The following UGGT2 variants were observed in gnomAD, a reference collection of about 807,000 sequenced individuals.
UGGT2 encodes the protein UDP-glucose glycoprotein glucosyltransferase 2.
Under a neutral mutation model 192.1 loss-of-function variants are expected in UGGT2, and 180 were observed. The observed-to-expected ratio is 0.94, with a 90% CI of 0.83 to 1.06. UGGT2 has a LOEUF of 1.06. Among genes scored for constraint, UGGT2 ranks in the 50% least tolerant of loss-of-function variants. UGGT2 has a pLI of 0.00. For synonymous variants in UGGT2, 580 were observed against 591.0 expected, an observed-to-expected ratio of 0.98 and a Z score of 0.27; for missense variants, 1,849 against 1,795.7, an observed-to-expected ratio of 1.03 and a Z score of -0.54.
intron 36 of UGGT2, among the ~76,000 whole-genome samples, chr13:95,843,660 G>A (rs918073132): frequency 6.6e-6 from 1 of 151,926 alleles, no homozygotes; most frequent in East Asian, 1.9e-4. Context: ...AGGGTTTAGA[G>A]GTTTTTGGGG....
chr13:95,931,501 G>A (rs532833135), intron 17 of UGGT2, among the ~76,000 whole-genome samples: 29 of 152,032 alleles, frequency 1.9e-4, no homozygotes, highest in East Asian at 5.9e-4. Context: ...AGCACTCGTC[G>A]GGGAGGCTCG....
chr13:96,018,566 GA>G (rs2052410601), intron 4 of UGGT2, among the ~76,000 whole-genome samples: 1 of 151,744 alleles, frequency 6.6e-6, no homozygotes, highest in African/African-American at 2.4e-5. Flanking sequence ...ATATCTGGGG[GA>G]AAGTGACAGC....
chr13:95,984,310 T>G (rs2051223010), intron 9 of UGGT2, among the ~76,000 whole-genome samples: 1 of 152,140 alleles, frequency 6.6e-6, no homozygotes, highest in African/African-American at 2.4e-5. Flanking sequence ...ACTCACTCTT[T>G]CAATTTTTTC....
At chr13:95,811,598 T>C (rs1884585971) in intron 38 of UGGT2, among the ~76,000 whole-genome samples, 1 of 152,174 alleles carries the variant, frequency 6.6e-6, no homozygotes, top group Admixed American at 6.5e-5. Flanking sequence ...CACTTTGAAT[T>C]AGTGAATTGT....
chr13:96,045,568 A>T (rs1215292530), intron 1 of UGGT2, among the ~76,000 whole-genome samples: 4 of 152,196 alleles, frequency 2.6e-5, no homozygotes. Flanking sequence ...TGATGATACG[A>T]TTATATACCT....
intron 36 of UGGT2, among the ~76,000 whole-genome samples, chr13:95,841,097 C>A (rs1416983162): frequency 6.6e-6 from 1 of 152,002 alleles, no homozygotes; most frequent in Non-Finnish European, 1.5e-5. Context: ...ATACCTAATG[C>A]ATGTGGGGCT....
intron 38 of UGGT2, among the ~76,000 whole-genome samples, chr13:95,805,968 G>A (rs1369426039): frequency 6.9e-6 from 1 of 144,682 alleles, no homozygotes; most frequent in Non-Finnish European, 1.5e-5. Context: ...ATTGAACCAA[G>A]AGGTATAAAA....
chr13:95,972,547 A>G, intron 11 of UGGT2, 33 bp downstream of exon 11: 2 of 1,489,706 alleles, frequency 1.3e-6, no homozygotes, highest in South Asian at 2.3e-5. Context: ...TATATAAACC[A>G]TAGTTCATTT....
At chr13:95,989,571 A>G (rs756809942) in intron 8 of UGGT2, 5 of 405,512 alleles carry the variant, frequency 1.2e-5, no homozygotes, top group Non-Finnish European at 1.5e-5. Flanking sequence ...ACATTTATCA[A>G]TGAAACATGC....
chr13:95,940,161 T>C, intron 15 of UGGT2, 70 bp from the exon 16 acceptor site: 3 of 1,202,700 alleles, frequency 2.5e-6, no homozygotes, highest in African/African-American at 1.6e-5. Flanking sequence ...TTCCTTAGCA[T>C]GCAGATAGAT....
chr13:95,995,955 C>T, intron 7 of UGGT2, 108 bp downstream of exon 7: 2 of 921,816 alleles, frequency 2.2e-6, no homozygotes, highest in East Asian at 2.5e-5. Context: ...TGTGTTTGTA[C>T]TTTCTACATA....
At chr13:95,898,859 A>G (rs1210318150) in intron 22 of UGGT2, among the ~76,000 whole-genome samples, 1 of 152,176 alleles carries the variant, frequency 6.6e-6, no homozygotes, top group African/African-American at 2.4e-5. Context: ...GAAGTATGAG[A>G]GAATAAATTT....
intron 20 of UGGT2, among the ~76,000 whole-genome samples, chr13:95,909,835 CAGAG>C (rs2048428857): frequency 7.2e-6 from 1 of 139,410 alleles, no homozygotes; most frequent in African/African-American, 2.7e-5. Context: ...TAAGGGCAAC[CAGAG>C]AGAAAGGTCG....
intron 20 of UGGT2, among the ~76,000 whole-genome samples, chr13:95,916,603 G>A (rs936543197): frequency 1.3e-5 from 2 of 152,166 alleles, no homozygotes. Flanking sequence ...AAGGAACTTC[G>A]CTAAGCTAAA....
chr13:95,844,769 G>A (rs1203617349), intron 36 of UGGT2, among the ~76,000 whole-genome samples: 2 of 152,064 alleles, frequency 1.3e-5, no homozygotes, highest in Non-Finnish European at 2.9e-5. Flanking sequence ...TTGCCAATCT[G>A]GATGCCTTTT....
intron 14 of UGGT2, among the ~76,000 whole-genome samples, 182 bp downstream of exon 14, chr13:95,947,814 A>T (rs1196133147): frequency 6.6e-6 from 1 of 152,198 alleles, no homozygotes; most frequent in Non-Finnish European, 1.5e-5. Flanking sequence ...ACATTACCAG[A>T]CAGATTTGAT....
chr13:95,938,179 C>T (rs1240071366), intron 16 of UGGT2, among the ~76,000 whole-genome samples: 2 of 152,174 alleles, frequency 1.3e-5, no homozygotes, highest in East Asian at 3.9e-4. Flanking sequence ...ATTGCCCAGT[C>T]TCAGGTATGT....
intron 4 of UGGT2, among the ~76,000 whole-genome samples, chr13:96,014,698 C>T (rs1188895223): frequency 1.3e-5 from 2 of 152,120 alleles, no homozygotes; most frequent in African/African-American, 4.8e-5. Context: ...TGCTGTCTTT[C>T]TTCATGAGAG....
At chr13:95,864,851 CAAGA>C (rs1890502029) in intron 30 of UGGT2, among the ~76,000 whole-genome samples, 1 of 152,124 alleles carries the variant, frequency 6.6e-6, no homozygotes. Flanking sequence ...CAAACATCTC[CAAGA>C]AAGGGTATGA....
Sources: gnomAD v4.1 joint callset for allele counts (sites outside exome capture counted in the v4.1 genomes callset) on GRCh38, gnomAD v4.1.1 for gene constraint, MANE v1.5 for transcripts, NCBI Gene and HGNC (gene_info 2026-07-23, HGNC 2026-07-21) for gene names.